The following EHMT1 variants were observed in gnomAD, a reference collection of about 807,000 sequenced individuals.
The protein encoded by EHMT1 is histone-lysine N-methyltransferase EHMT1.
Under a neutral mutation model 147.2 loss-of-function variants are expected in EHMT1, and 15 were observed. That is an observed-to-expected ratio of 0.10 (90% CI 0.07 to 0.16). The LOEUF (loss-of-function observed/expected upper bound fraction) is 0.16. EHMT1 is among the 10% of genes least tolerant of loss of function. EHMT1 has a pLI of 1.00. For missense variants in EHMT1, 1,587 were observed against 1,772.4 expected (o/e 0.90, Z 1.88); for synonymous variants, 795 against 709.6 (o/e 1.12, Z -1.91).
chr9:137,670,860 C>A (rs1291884891), intron 1 of EHMT1, among the ~76,000 whole-genome samples: 2 of 152,150 alleles, frequency 1.3e-5, no homozygotes, highest in Non-Finnish European at 2.9e-5. Flanking sequence ...CCTTTGCCGC[C>A]GTCTTCCTTC....
At chr9:137,622,164 G>A (rs530628785) in intron 1 of EHMT1, among the ~76,000 whole-genome samples, 68 of 130,716 alleles carry the variant, frequency 5.2e-4, no homozygotes, top group Admixed American at 3.9e-3. Context: ...TATTGCCCAG[G>A]CTGGAGTGCA....
intron 19 of EHMT1, 24 bp downstream of exon 19, chr9:137,811,639 G>A (rs774786534): frequency 4.4e-6 from 7 of 1,599,202 alleles, no homozygotes; most frequent in African/African-American, 1.3e-5. Flanking sequence ...TTCCCCCAGC[G>A]CGGGCTGGCG....
intron 1 of EHMT1, among the ~76,000 whole-genome samples, chr9:137,698,441 G>A (rs1213502639): frequency 6.6e-6 from 1 of 152,176 alleles, no homozygotes; most frequent in Non-Finnish European, 1.5e-5. Context: ...CTCTTTAGTG[G>A]GTGAGAAAGT....
chr9:137,813,490 C>G lies in EHMT1; in HGVS notation c.3140C>G (p.Thr1047Arg), dbSNP rs754125586. The G allele has an allele frequency of 6.2e-7, 1 of 1,614,066 alleles. No homozygotes were observed. The highest frequency in any genetic ancestry group is 1.1e-5 in the South Asian group (1 of 91,074). ...NYKYVSQNCV[T>R]SPMNIDRNIT... Reference sequence around the variant, plus strand: ...AAGTACGTCTCTCAGAACTGCGTGACGTCCCCCATGAACATCGACAGAAAT... The same window carrying G: ...AAGTACGTCTCTCAGAACTGCGTGAGGTCCCCCATGAACATCGACAGAAAT... Residue 1047 changes from threonine to arginine, a missense_variant, in exon 21 of 27, where the codon ACG becomes AGG. Transcript: ENST00000460843. The surrounding 1 kb of genome is among the most constrained non-coding windows in gnomAD (Gnocchi z 4.9).
intron 2 of EHMT1, among the ~76,000 whole-genome samples, chr9:137,712,194 C>T (rs539454538): frequency 2.0e-5 from 3 of 152,212 alleles, no homozygotes; most frequent in African/African-American, 4.8e-5. Context: ...CAGTGCCCTC[C>T]GGCTCTTCCC....
Position 137,776,895 on chromosome 9 carries a change from T to C in EHMT1, c.2018+51T>C. 1 of 1,572,956 alleles carries C rather than the reference T, an allele frequency of 6.4e-7. No individual in the cohort carries two copies. The highest frequency in any genetic ancestry group is 8.7e-7 in the Non-Finnish European group (1 of 1,149,516). ...CTCTCCAGTCGTCCACCTGAAAAAG[T>C]TTCAGTTGTTAACTCAACGTTATTG... On this transcript the variant is annotated intron_variant, in intron 12 of 26. Coordinates refer to ENST00000460843, the MANE Select transcript of EHMT1 (RefSeq NM_024757.5). This position sits in a 1 kb window ranked among gnomAD's most constrained non-coding sequence, Gnocchi z 4.4.
rs550404569 is a variant in EHMT1, at chr9:137,680,895, T to A, written c.22-30072T>A. ...AGCAGGGGACAGCAGATGCCGGGGC[T>A]CGTGGTGATCTGGCCCCCAAGGCTC... is the stretch of plus-strand genomic sequence containing the variant. On this transcript the variant is annotated intron_variant, in intron 1 of 26. Transcript: ENST00000460843. 10 of 152,430 alleles carry A rather than the reference T, an allele frequency of 6.6e-5. No homozygotes were observed. In the South Asian group the frequency reaches 2.1e-3, roughly 32 times the overall value. 9.4% of individuals were successfully genotyped at this position (152,430 alleles called of 1,614,324 possible).
rs542396136 is a variant in EHMT1, at chr9:137,629,393, G to A, written c.21+10344G>A. ...CGGCGTGAGCCACCACACCTGGCCAGTTTTTTTGTTGTTGTTGTTAAATGG... is the reference window on the plus strand; with the variant it reads ...CGGCGTGAGCCACCACACCTGGCCAATTTTTTTGTTGTTGTTGTTAAATGG... On this transcript the variant is annotated intron_variant, in intron 1 of 26. Transcript: ENST00000460843. Among the ~76,000 whole-genome samples the A allele has an allele frequency of 1.4e-4, 21 of 148,416 alleles. No individual in the cohort carries two copies. The East Asian group carries it at 3.9e-3, about 28-fold the overall frequency.
intron 1 of EHMT1, among the ~76,000 whole-genome samples, chr9:137,628,839 G>C (rs749642539): frequency 2.0e-5 from 3 of 152,200 alleles, no homozygotes; most frequent in Non-Finnish European, 4.4e-5. Context: ...TAGAGCCCTG[G>C]TTTCCTTCTT....
chr9:137,782,149 G>C lies in EHMT1; in HGVS notation c.2276-142G>C. ...AGTCTCAAGTCCAGAGGATGGTGCT[G>C]TGGGCGGGTTCCGGCGTGGCTCGAG... On this transcript the variant is annotated intron_variant, in intron 14 of 26. Transcript: ENST00000460843. This position sits in a 1 kb window ranked among gnomAD's most constrained non-coding sequence, Gnocchi z 5.7. 3 of 724,614 alleles carry C rather than the reference G, an allele frequency of 4.1e-6. No homozygotes were observed. Among genetic ancestry groups the C allele is most frequent in the South Asian group, 3.0e-5 (2 of 66,802 alleles). 44.9% of individuals were successfully genotyped at this position (724,614 alleles called of 1,614,324 possible).
intron 4 of EHMT1, among the ~76,000 whole-genome samples, chr9:137,733,107 G>A (rs1440451000): frequency 2.6e-5 from 4 of 152,126 alleles, no homozygotes; most frequent in Admixed American, 2.6e-4. Context: ...GATTCTCTTC[G>A]ACCTGTTCTG....
At chr9:137,711,944 C>T (rs1564620667) in intron 2 of EHMT1, among the ~76,000 whole-genome samples, 1 of 152,200 alleles carries the variant, frequency 6.6e-6, no homozygotes, top group African/African-American at 2.4e-5. Context: ...TGGCCCCTGC[C>T]GTGTTCTCCT....
At chr9:137,695,467 A>T (rs1454091390) in intron 1 of EHMT1, among the ~76,000 whole-genome samples, 1 of 152,234 alleles carries the variant, frequency 6.6e-6, no homozygotes, top group African/African-American at 2.4e-5. Context: ...CACTGCCCTG[A>T]AACTCGGTGG....
chr9:137,802,746 A>T, intron 18 of EHMT1: 1 of 1,150,942 alleles, frequency 8.7e-7, no homozygotes, highest in South Asian at 4.4e-5. Context: ...GCCTCTCTGG[A>T]GTGACTGGTC....
At chr9:137,622,344 T>C (rs1199174201) in intron 1 of EHMT1, among the ~76,000 whole-genome samples, 1 of 152,106 alleles carries the variant, frequency 6.6e-6, no homozygotes, top group Admixed American at 6.6e-5. Flanking sequence ...TGTCTCGAAC[T>C]CCTGACCTCA....
intron 25 of EHMT1, among the ~76,000 whole-genome samples, chr9:137,824,602 C>T (rs1487570402): frequency 6.6e-6 from 1 of 152,136 alleles, no homozygotes; most frequent in African/African-American, 2.4e-5. Context: ...TCGCATTGAG[C>T]CTTCTGACCC....
chr9:137,805,050 C>T (rs1953820522), intron 18 of EHMT1, among the ~76,000 whole-genome samples: 1 of 150,676 alleles, frequency 6.6e-6, no homozygotes, highest in Non-Finnish European at 1.5e-5. Context: ...CAGTCGTCCA[C>T]ATGTGTCAGT....
At chr9:137,791,651 A>G (rs763861856) in intron 16 of EHMT1, among the ~76,000 whole-genome samples, 14 of 152,244 alleles carry the variant, frequency 9.2e-5, no homozygotes, top group Non-Finnish European at 2.1e-4. Flanking sequence ...CCATGTTCAC[A>G]GATGAGAAGA....
chr9:137,623,015 C>G (rs960632678), intron 1 of EHMT1, among the ~76,000 whole-genome samples: 1 of 151,592 alleles, frequency 6.6e-6, no homozygotes, highest in Non-Finnish European at 1.5e-5. Flanking sequence ...TCGAGACCAT[C>G]CTGGCTAACA....
Sources: gnomAD v4.1 joint callset for allele counts (sites outside exome capture counted in the v4.1 genomes callset) on GRCh38, gnomAD v4.1.1 for gene constraint, Gnocchi (gnomAD v3.1) non-coding constraint, MANE v1.5 for transcripts, NCBI Gene and HGNC (gene_info 2026-07-23, HGNC 2026-07-21) for gene names.